Variants in SYNDIG1 observed in about 807,000 individuals in gnomAD.
SYNDIG1 encodes the protein synapse differentiation inducing 1, also known as synapse differentiation-inducing gene protein 1.
In SYNDIG1, 9 loss-of-function variants were observed where a neutral mutation model predicts 19.4. The observed-to-expected ratio is 0.46, with a 90% CI of 0.28 to 0.81. The LOEUF (loss-of-function observed/expected upper bound fraction) is 0.81. Among genes scored for constraint, SYNDIG1 ranks in the 30% least tolerant of loss-of-function variants. The pLI is 0.12. For synonymous variants in SYNDIG1, 141 were observed against 145.9 expected (o/e 0.97, Z 0.24); for missense variants, 311 against 343.3 (o/e 0.91, Z 0.74).
At position 24,578,441 on chromosome 20, in the gene SYNDIG1, C is replaced by CAAA. The variant is rs11087470; in HGVS notation, c.481-6403_481-6401dup. On this transcript the variant is annotated intron_variant, in intron 2 of 3. Transcript: ENST00000376862. ...TGGGAGACAGTGCGAGACTCTGTAT[C>CAAA]AAAAAAAAAAAAAAGAAAGAAAGAA... is the stretch of plus-strand genomic sequence containing the variant. Among the ~76,000 whole-genome samples, 11 of 118,340 alleles carry CAAA rather than the reference C, an allele frequency of 9.3e-5. 1 individual carries two copies. The highest frequency in any genetic ancestry group is 1.6e-4 in the Non-Finnish European group (9 of 54,872). 77.6% of individuals were successfully genotyped at this position (118,340 alleles called of 152,430 possible).
chr20:24,583,353 C>T (rs557442694), intron 2 of SYNDIG1, among the ~76,000 whole-genome samples: 1 of 152,340 alleles, frequency 6.6e-6, no homozygotes, highest in South Asian at 2.1e-4. Flanking sequence ...GGCCCTGACA[C>T]TGCCATGCAC....
At position 24,543,162 on chromosome 20, in the gene SYNDIG1, G is replaced by A. The variant is rs760554868; in HGVS notation, c.65G>A (p.Arg22Lys). 7.4e-5 allele frequency: 119 copies of A among 1,614,118 alleles called. 3 individuals carry two copies. The South Asian group carries it at 1.2e-3, about 17-fold the overall frequency. The change falls in exon 2 of 4, where the codon AGG becomes AAG. Residue 22 changes from arginine to lysine, a missense_variant. Transcript: ENST00000376862. Reference sequence around the variant, plus strand: ...AGTAAAATCAGTGATGCTGGCAAGAGGAATGGTTTAATTAACACCAGAAAC... The same window carrying A: ...AGTAAAATCAGTGATGCTGGCAAGAAGAATGGTTTAATTAACACCAGAAAC... The part of the protein sequence containing the change: ...VHSKISDAGK[R>K]NGLINTRNLM...
chr20:24,569,322 C>T (rs557769340), intron 2 of SYNDIG1, among the ~76,000 whole-genome samples: 2 of 152,244 alleles, frequency 1.3e-5, no homozygotes, highest in Admixed American at 6.5e-5. Flanking sequence ...GGGTGGCATC[C>T]CTGTTTTACA....
chr20:24,535,996 C>T (rs542756097), intron 1 of SYNDIG1, among the ~76,000 whole-genome samples: 6 of 152,282 alleles, frequency 3.9e-5, no homozygotes, highest in South Asian at 4.1e-4. Context: ...GATTCATTTG[C>T]GGCTGCTATT....
At chr20:24,493,251 G>T (rs1480932482) in intron 1 of SYNDIG1, among the ~76,000 whole-genome samples, 1 of 152,238 alleles carries the variant, frequency 6.6e-6, no homozygotes, top group Non-Finnish European at 1.5e-5. Context: ...TCCTAGTTGT[G>T]GGTTTCCTTT....
At position 24,592,343 on chromosome 20, in the gene SYNDIG1, G is replaced by A. The variant is rs1415520835; in HGVS notation, c.618+7350G>A. Among the ~76,000 whole-genome samples the A allele has an allele frequency of 2.0e-5, 3 of 152,122 alleles. 1 individual carries two copies. The highest frequency in any genetic ancestry group is 4.4e-5 in the Non-Finnish European group (3 of 68,038). On this transcript the variant is annotated intron_variant, in intron 3 of 3. Transcript: ENST00000376862. ...TGCTTCCCTTCTCAATCTTACTCTG[G>A]ATATTAATTCTAATTCTTTATGGCT... is the stretch of plus-strand genomic sequence containing the variant.
At position 24,665,532 on chromosome 20, in the gene SYNDIG1, CG is replaced by C; in HGVS notation, c.*32del. ...TTCCTGCGAATGGAGGGGGAGCACC[CG>C]GGGCCAGGTCTGTGTGGACGTGGAG... is the stretch of plus-strand genomic sequence containing the variant. On this transcript the variant is annotated 3_prime_UTR_variant, in exon 4 of 4. Coordinates refer to ENST00000376862, the MANE Select transcript of SYNDIG1 (RefSeq NM_024893.3). 6.2e-7 allele frequency: 1 copy of C among 1,613,676 alleles called. No individual in the cohort carries two copies. Among genetic ancestry groups the C allele is most frequent in the Non-Finnish European group, 8.5e-7 (1 of 1,179,900 alleles).
At chr20:24,486,906 C>T (rs1256474187) in intron 1 of SYNDIG1, among the ~76,000 whole-genome samples, 3 of 152,264 alleles carry the variant, frequency 2.0e-5, no homozygotes, top group Admixed American at 6.5e-5. Flanking sequence ...ATCCACCTGC[C>T]TCGGCCTCCC....
chr20:24,523,145 G>A (rs971052234), intron 1 of SYNDIG1, among the ~76,000 whole-genome samples: 1 of 152,210 alleles, frequency 6.6e-6, no homozygotes, highest in Non-Finnish European at 1.5e-5. Flanking sequence ...AGACCCTGAA[G>A]TCAGGCTTCC....
In SYNDIG1 at chr20:24,638,898, C is replaced by T. The variant is rs1437682025; in HGVS notation, c.619-26448C>T. 3.9e-5 allele frequency among the ~76,000 whole-genome samples: 6 copies of T among 152,252 alleles called. No individual in the cohort carries two copies. The South Asian group carries it at 6.2e-4, about 16-fold the overall frequency. On this transcript the variant is annotated intron_variant, in intron 3 of 3. Transcript: ENST00000376862. ...GTTTAAGAAATAAACACAGGGGTAG[C>T]CCAGGGGTGCCAAAGGTCATAGGCC...
At chr20:24,624,255 C>CA (rs201904792) in intron 3 of SYNDIG1, among the ~76,000 whole-genome samples, 41,410 of 94,308 alleles carry the variant, frequency 0.44, 7,661 homozygotes, top group Admixed American at 0.52. Flanking sequence ...GACTCCATCT[C>CA]AAAAAAAAAA....
intron 1 of SYNDIG1, among the ~76,000 whole-genome samples, chr20:24,500,518 CTTTCTTTCTTTCTTCT>C (rs758637645): frequency 1.0e-3 from 115 of 113,592 alleles, no homozygotes; most frequent in Middle Eastern, 4.1e-3. Flanking sequence ...TTCTTTCTTT[CTTTCTTTCTTTCTTCT>C]TTCTTTCTTT....
At chr20:24,556,255 A>C (rs1234830634) in intron 2 of SYNDIG1, among the ~76,000 whole-genome samples, 1 of 152,102 alleles carries the variant, frequency 6.6e-6, no homozygotes, top group East Asian at 1.9e-4. Flanking sequence ...TTGACTCTTT[A>C]TCCAATTTGC....
intron 1 of SYNDIG1, among the ~76,000 whole-genome samples, chr20:24,494,155 G>T (rs143968019): frequency 1.3e-5 from 2 of 152,098 alleles, no homozygotes; most frequent in Non-Finnish European, 2.9e-5. Flanking sequence ...GGCCGGGGGC[G>T]GGGCGGCGCG....
At chr20:24,491,662 T>C (rs867728846) in intron 1 of SYNDIG1, 1 of 152,258 alleles carries the variant, frequency 6.6e-6, no homozygotes, top group Non-Finnish European at 1.5e-5. Flanking sequence ...GACACTGACC[T>C]TACAGTCAAA....
intron 1 of SYNDIG1, among the ~76,000 whole-genome samples, chr20:24,471,183 G>C (rs968768660): frequency 2.2e-4 from 33 of 152,032 alleles, no homozygotes; most frequent in African/African-American, 7.5e-4. Context: ...CAACTTCTCC[G>C]TGCTAGGCTG....
At chr20:24,653,424 C>G (rs1039258793) in intron 3 of SYNDIG1, among the ~76,000 whole-genome samples, 2 of 152,184 alleles carry the variant, frequency 1.3e-5, no homozygotes, top group Non-Finnish European at 2.9e-5. Context: ...GTAAAGCACC[C>G]AGTCCTGTGT....
chr20:24,471,967 A>G (rs1207378809), intron 1 of SYNDIG1, among the ~76,000 whole-genome samples: 1 of 152,260 alleles, frequency 6.6e-6, no homozygotes, highest in Admixed American at 6.5e-5. Flanking sequence ...CAGTAAAAAT[A>G]CAAAATCACT....
Position 24,588,474 on chromosome 20 carries a change from C to G in SYNDIG1, c.618+3481C>G, listed in dbSNP as rs73905121. 8.6e-3 allele frequency among the ~76,000 whole-genome samples: 1,312 copies of G among 152,336 alleles called. 20 individuals are homozygous for G. Among genetic ancestry groups the G allele is most frequent in the African/African-American group, 0.03 (1,240 of 41,574 alleles). On this transcript the variant is annotated intron_variant, in intron 3 of 3. Coordinates refer to ENST00000376862, the MANE Select transcript of SYNDIG1 (RefSeq NM_024893.3). ...TGCTTCCAGGATGTGGTCCTGGACC[C>G]CCTAGGCACTTGCTAGAAATGCACA...
Sources: gnomAD v4.1 joint callset for allele counts (sites outside exome capture counted in the v4.1 genomes callset) on GRCh38, gnomAD v4.1.1 for gene constraint, MANE v1.5 for transcripts, NCBI Gene and HGNC (gene_info 2026-07-23, HGNC 2026-07-21) for gene names.